The following CSMD1 variants were observed in gnomAD, a reference collection of about 807,000 sequenced individuals.
The protein encoded by CSMD1 is CUB and Sushi multiple domains 1.
A neutral mutation model predicts 417.5 loss-of-function variants in CSMD1; 213 were observed. The ratio of observed to expected loss-of-function variants is 0.51; its 90% confidence interval spans 0.46 to 0.57. CSMD1 has a LOEUF of 0.57. Among genes scored for constraint, CSMD1 ranks in the 20% least tolerant of loss-of-function variants. The pLI is 0.00. For missense variants in CSMD1, 6,923 were observed against 4,529.7 expected (o/e 1.53, Z -15.17); for synonymous variants, 2,862 against 1,736.8 (o/e 1.65, Z -16.11).
intron 3 of CSMD1, among the ~76,000 whole-genome samples, chr8:4,330,267 T>A (rs1211228952): frequency 1.3e-5 from 2 of 152,124 alleles, no homozygotes. Flanking sequence ...TCTGTCTGGT[T>A]GTACTCTTCT....
chr8:4,751,157 G>A lies in CSMD1; in HGVS notation c.86-113599C>T, dbSNP rs149474273. ...CCCAGCACTTTGGGAGGCCGAGGTG[G>A]GTGGATCACCTGAGGTAAGGAATTC... is the stretch of plus-strand genomic sequence containing the variant. On this transcript the variant is annotated intron_variant, in intron 1 of 69. Transcript: ENST00000635120. Among the ~76,000 whole-genome samples, 55 of 152,302 alleles carry A rather than the reference G, an allele frequency of 3.6e-4. No homozygotes were observed. In the East Asian group the frequency reaches 8.3e-3, roughly 23 times the overall value.
chr8:4,163,219 G>A (rs116078926), intron 3 of CSMD1, among the ~76,000 whole-genome samples: 18 of 152,224 alleles, frequency 1.2e-4, no homozygotes, highest in South Asian at 4.1e-4. Flanking sequence ...TTCAGTACAC[G>A]TAAGTTTTTA....
chr8:3,431,110 A>G (rs1022568898), intron 12 of CSMD1, among the ~76,000 whole-genome samples: 10 of 152,294 alleles, frequency 6.6e-5, no homozygotes, highest in African/African-American at 2.2e-4. Flanking sequence ...TAAGGAGCCC[A>G]TGAGAAAATG....
Position 3,043,347 on chromosome 8 carries a change from G to A in CSMD1, c.7660+9115C>T, listed in dbSNP as rs185357668. Among the ~76,000 whole-genome samples, 89 of 151,782 alleles carry A rather than the reference G, an allele frequency of 5.9e-4. No individual in the cohort carries two copies. The East Asian group carries it at 0.014, about 24-fold the overall frequency. On this transcript the variant is annotated intron_variant, in intron 50 of 69. Coordinates refer to ENST00000635120, the MANE Select transcript of CSMD1 (RefSeq NM_033225.6). ...GTATATAAAGTGATATACATATAACGATATATACAGATTATATAGTACCAT... is the reference window on the plus strand; with the variant it reads ...GTATATAAAGTGATATACATATAACAATATATACAGATTATATAGTACCAT...
At position 4,828,791 on chromosome 8, in the gene CSMD1, T is replaced by C. The variant is rs1799972181; in HGVS notation, c.85+165541A>G. ...TGCCTCAGTTTCTTTACCCTTAAAA[T>C]CAGATGAGCCCAGAAGTACTGTTGT... On this transcript the variant is annotated intron_variant, in intron 1 of 69. Coordinates refer to ENST00000635120, the MANE Select transcript of CSMD1 (RefSeq NM_033225.6). Among the ~76,000 whole-genome samples, 5 of 152,202 alleles carry C rather than the reference T, an allele frequency of 3.3e-5. No homozygotes were observed. The South Asian group carries it at 1.0e-3, about 32-fold the overall frequency.
chr8:4,647,013 C>T (rs1803559745), intron 1 of CSMD1, among the ~76,000 whole-genome samples: 2 of 152,262 alleles, frequency 1.3e-5, no homozygotes, highest in Non-Finnish European at 1.5e-5. Context: ...AGCCAAGGTG[C>T]TGACACGGCC....
chr8:4,946,988 G>A lies in CSMD1; in HGVS notation c.85+47344C>T, dbSNP rs992671249. Reference sequence around the variant, plus strand: ...TTATTTTGAGGAGTCAGTAATCAATGTCTGTAATCCAAATGCTAAACAATC... The same window carrying A: ...TTATTTTGAGGAGTCAGTAATCAATATCTGTAATCCAAATGCTAAACAATC... On this transcript the variant is annotated intron_variant, in intron 1 of 69. Transcript: ENST00000635120. Among the ~76,000 whole-genome samples, 7 of 152,258 alleles carry A rather than the reference G, an allele frequency of 4.6e-5. No homozygotes were observed. In the South Asian group the frequency reaches 1.0e-3, roughly 23 times the overall value.
At chr8:3,821,126 C>T (rs1473095617) in intron 5 of CSMD1, among the ~76,000 whole-genome samples, 3 of 152,040 alleles carry the variant, frequency 2.0e-5, no homozygotes, top group Non-Finnish European at 4.4e-5. Flanking sequence ...CCATGTAAGC[C>T]AGGCTGGTCT....
intron 12 of CSMD1, among the ~76,000 whole-genome samples, chr8:3,444,968 T>G (rs563758385): frequency 6.6e-6 from 1 of 152,206 alleles, no homozygotes; most frequent in Admixed American, 6.5e-5. Flanking sequence ...GAAGTCCTCA[T>G]GTCAGAAAAA....
At chr8:4,317,522 T>C (rs1417727927) in intron 3 of CSMD1, among the ~76,000 whole-genome samples, 1 of 152,220 alleles carries the variant, frequency 6.6e-6, no homozygotes, top group Non-Finnish European at 1.5e-5. Context: ...GTGACTTTTC[T>C]TGGCTGTTTC....
At chr8:4,610,073 A>C (rs34428168) in intron 2 of CSMD1, among the ~76,000 whole-genome samples, 20,056 of 151,388 alleles carry the variant, frequency 0.13, 1,624 homozygotes, top group East Asian at 0.36. Flanking sequence ...AATTCTTGCT[A>C]TAAGGATGCT....
At chr8:4,045,684 C>T (rs898268277) in intron 3 of CSMD1, among the ~76,000 whole-genome samples, 11 of 152,096 alleles carry the variant, frequency 7.2e-5, no homozygotes, top group African/African-American at 2.7e-4. Context: ...AGTAGAGAAC[C>T]TAAGAGTCAA....
intron 3 of CSMD1, among the ~76,000 whole-genome samples, chr8:4,413,848 G>A (rs1796784720): frequency 6.6e-6 from 1 of 152,172 alleles, no homozygotes; most frequent in South Asian, 2.1e-4. Context: ...GTTATGAAAT[G>A]AGGAAGGAAT....
At chr8:4,169,943 G>C (rs1339274641) in intron 3 of CSMD1, among the ~76,000 whole-genome samples, 2 of 149,794 alleles carry the variant, frequency 1.3e-5, no homozygotes, top group Non-Finnish European at 2.9e-5. Flanking sequence ...AGAGATTTTG[G>C]CTTGCGTGTG....
chr8:4,796,949 C>A (rs1172455065), intron 1 of CSMD1, among the ~76,000 whole-genome samples: 1 of 152,162 alleles, frequency 6.6e-6, no homozygotes, highest in Non-Finnish European at 1.5e-5. Context: ...CAGGACAGAG[C>A]GGCCCTGATT....
chr8:4,246,881 A>T (rs946246496), intron 3 of CSMD1, among the ~76,000 whole-genome samples: 1 of 152,224 alleles, frequency 6.6e-6, no homozygotes, highest in Admixed American at 6.5e-5. Flanking sequence ...GTGACTTTTT[A>T]AACACTTTTT....
At chr8:3,284,957 C>A (rs549226410) in intron 25 of CSMD1, among the ~76,000 whole-genome samples, 1 of 152,296 alleles carries the variant, frequency 6.6e-6, no homozygotes, top group South Asian at 2.1e-4. Context: ...TACCATACTT[C>A]TATTAGACTT....
intron 4 of CSMD1, among the ~76,000 whole-genome samples, chr8:4,031,438 A>C (rs62502688): frequency 1.3e-5 from 2 of 151,920 alleles, no homozygotes; most frequent in Admixed American, 1.3e-4. Context: ...CAGATCTCAT[A>C]AGACTTATGT....
chr8:4,369,062 G>A (rs1184752895), intron 3 of CSMD1, among the ~76,000 whole-genome samples: 2 of 151,910 alleles, frequency 1.3e-5, no homozygotes, highest in South Asian at 2.1e-4. Flanking sequence ...AGATCTTTTT[G>A]ACTTCTTGAT....
Sources: allele counts gnomAD v4.1 joint callset (sites outside exome capture counted in the v4.1 genomes callset), GRCh38; gene constraint gnomAD v4.1.1; transcripts MANE v1.5; gene names NCBI Gene and HGNC (gene_info 2026-07-23, HGNC 2026-07-21).